The following ALPK2 variants were observed in gnomAD, a reference collection of about 807,000 sequenced individuals.
ALPK2 encodes the protein alpha kinase 2.
Under a neutral mutation model 163.1 loss-of-function variants are expected in ALPK2, and 127 were observed. The ratio of observed to expected loss-of-function variants is 0.78; its 90% CI spans 0.67 to 0.90. The LOEUF is 0.90. Ranked by LOEUF, ALPK2 falls within the 40% of genes least tolerant of loss-of-function variation. ALPK2 has a pLI of 0.00. For synonymous variants in ALPK2, 953 were observed against 959.1 expected (o/e 0.99, Z 0.12); for missense variants, 2,360 against 2,589.6 (o/e 0.91, Z 1.92).
At chr18:58,553,387 C>T (rs969406839) in intron 4 of ALPK2, among the ~76,000 whole-genome samples, 3 of 152,158 alleles carry the variant, frequency 2.0e-5, no homozygotes, top group African/African-American at 7.2e-5. Flanking sequence ...AGCAACCACC[C>T]TCAGGACTCC....
chr18:58,607,244 G>T, intron 3 of ALPK2, 78 bp downstream of exon 3: 2 of 979,566 alleles, frequency 2.0e-6, no homozygotes, highest in Non-Finnish European at 3.0e-6. Flanking sequence ...CCAATCTTTT[G>T]GCCTTACCTC....
chr18:58,611,070 G>T (rs1210658461), intron 2 of ALPK2, among the ~76,000 whole-genome samples: 1 of 149,800 alleles, frequency 6.7e-6, no homozygotes, highest in Non-Finnish European at 1.5e-5. Context: ...CTCCAGCCTG[G>T]CAACAGAGCA....
intron 12 of ALPK2, among the ~76,000 whole-genome samples, chr18:58,490,354 G>C (rs1349100197): frequency 6.6e-6 from 1 of 152,026 alleles, no homozygotes; most frequent in Non-Finnish European, 1.5e-5. Context: ...GCCCCTCCCT[G>C]GGCCAGTCAG....
In ALPK2 at chr18:58,536,290, A is replaced by C. The variant is rs755118026; in HGVS notation, c.3897T>G (p.Ser1299Arg). 1 of 1,614,146 alleles carries C rather than the reference A, an allele frequency of 6.2e-7. No homozygotes were observed. Among genetic ancestry groups the C allele is most frequent in the Non-Finnish European group, 8.5e-7 (1 of 1,180,024 alleles). Residue 1299 changes from serine to arginine, a missense_variant, in exon 5 of 13, where the codon AGT becomes AGG. By Grantham distance (110) the Ser-to-Arg change is moderately radical. Coordinates refer to ENST00000361673, the MANE Select transcript of ALPK2 (RefSeq NM_052947.4). ...CAAGGGCTGACTCAGCATCCTCTGG[A>C]CTGTGAGCCAATGCTGCTATTTCAG... ...APSEIAALAH[S>R]PEDAESALAD...
At chr18:58,590,716 T>C (rs1027902494) in intron 3 of ALPK2, among the ~76,000 whole-genome samples, 14 of 152,252 alleles carry the variant, frequency 9.2e-5, no homozygotes, top group African/African-American at 3.1e-4. Context: ...TTCTTGATCA[T>C]ATTTTCTATA....
rs776066961 is a variant in ALPK2, at chr18:58,580,390, G to A, written c.386C>T (p.Thr129Ile). The change falls in exon 4 of 13, where the codon ACA becomes ATA. Residue 129 changes from threonine to isoleucine, a missense_variant. By Grantham distance (89) the Thr-to-Ile change is moderately conservative (BLOSUM62 -1). Coordinates refer to ENST00000361673, the MANE Select transcript of ALPK2 (RefSeq NM_052947.4). ...DDRDRGWKHE[T>I]GTHEEERANQ... is the part of the protein sequence containing the mutation. ...TGCCCTTTCTTCTTCATGTGTCCCT[G>A]TTTCATGTTTCCAACCCCTGTCCCT... 3.1e-6 allele frequency: 5 copies of A among 1,614,006 alleles called. No homozygotes were observed. Among genetic ancestry groups the A allele is most frequent in the Non-Finnish European group, 3.4e-6 (4 of 1,180,034 alleles).
rs10715073 is a variant in ALPK2 at position 58,626,883 on chromosome 18, C to CA, written c.-21+1880dup. On this transcript the variant is annotated intron_variant, in intron 1 of 12. Transcript: ENST00000361673. The stretch of plus-strand genomic sequence containing the variant: ...TTATGGTAGTATTCTAAAGTTTTAG[C>CA]AAAAAAAAAAAAGACAGAAGCTTTT... Among the ~76,000 whole-genome samples, 1,092 of 140,644 alleles carry CA rather than the reference C, an allele frequency of 7.8e-3. 8 individuals carry two copies. Among genetic ancestry groups the CA allele is most frequent in the Middle Eastern group, 0.026 (7 of 272 alleles). 92.3% of individuals were successfully genotyped at this position (140,644 alleles called of 152,430 possible). A position where few individuals can be genotyped will look rare whatever the true frequency, so the allele number is the denominator to read the frequency against.
At position 58,537,520 on chromosome 18, in the gene ALPK2, AAG is replaced by A; in HGVS notation, c.2665_2666del (p.Leu889PhefsTer14). 5 of 1,613,206 alleles carry A rather than the reference AAG, an allele frequency of 3.1e-6. No individual in the cohort carries two copies. The highest frequency in any genetic ancestry group is 3.4e-6 in the Non-Finnish European group (4 of 1,179,258). On this transcript the variant is annotated frameshift_variant, in exon 5 of 13. Coordinates refer to ENST00000361673, the MANE Select transcript of ALPK2 (RefSeq NM_052947.4). LOFTEE classifies it high-confidence loss of function. ...SKDGNSVMSP[L>X]FTSTFTLNIS... ...TGTTCAAGGTGAAAGTACTGGTAAA[AAG>A]AGGGGACATGACTGAGTTGCCGTCC...
At chr18:58,500,206 TCACA>T (rs1156698974) in intron 11 of ALPK2, among the ~76,000 whole-genome samples, 1 of 149,910 alleles carries the variant, frequency 6.7e-6, no homozygotes, top group Non-Finnish European at 1.5e-5. Context: ...TAGAAATGCT[TCACA>T]TAGCTTTTAT....
intron 12 of ALPK2, among the ~76,000 whole-genome samples, chr18:58,487,488 G>A (rs971476794): frequency 6.6e-6 from 1 of 152,078 alleles, no homozygotes; most frequent in Non-Finnish European, 1.5e-5. Flanking sequence ...TGAGGCTCTT[G>A]GTTTGTGGTC....
At chr18:58,490,668 G>A (rs2051369950) in intron 12 of ALPK2, among the ~76,000 whole-genome samples, 1 of 151,962 alleles carries the variant, frequency 6.6e-6, no homozygotes, top group African/African-American at 2.4e-5. Context: ...TCTTTCTGCA[G>A]AAAAATGTGA....
chr18:58,485,478 C>T (rs778247823), intron 12 of ALPK2, among the ~76,000 whole-genome samples: 97 of 152,354 alleles, frequency 6.4e-4, no homozygotes, highest in Non-Finnish European at 1.2e-3. Context: ...CCCTCCTCCT[C>T]CTGGCTGGGG....
At chr18:58,526,421 T>A (rs745444726) in intron 6 of ALPK2, among the ~76,000 whole-genome samples, 5 of 152,116 alleles carry the variant, frequency 3.3e-5, no homozygotes, top group African/African-American at 1.2e-4. Context: ...TCCAAGGAGA[T>A]CCTCCCATCC....
rs1348904009 is a variant in ALPK2, at chr18:58,578,935, GT to G, written c.1840del (p.Thr614ProfsTer81). ...GACTGAGTCTGTTGAAGTTTGAAGG[GT>G]TTTTGCTTCTTGCTCTGCCTGGGTT... Reference protein sequence around the residue: ...ISTQAEQEAKTLQTSTDSVSK... With the variant: ...ISTQAEQEAKXLQTSTDSVSK... On this transcript the variant is annotated frameshift_variant, in exon 4 of 13. Transcript: ENST00000361673. LOFTEE classifies it high-confidence loss of function. 6.2e-7 allele frequency: 1 copy of G among 1,614,184 alleles called. No homozygotes were observed. The highest frequency in any genetic ancestry group is 1.7e-5 in the Admixed American group (1 of 60,026).
chr18:58,552,307 A>G (rs947517308), intron 4 of ALPK2, among the ~76,000 whole-genome samples: 3 of 152,196 alleles, frequency 2.0e-5, no homozygotes, highest in Non-Finnish European at 4.4e-5. Context: ...GTCTTGCCTC[A>G]TTAATCTAAT....
chr18:58,581,974 C>T (rs1035905205), intron 3 of ALPK2, among the ~76,000 whole-genome samples: 19 of 152,178 alleles, frequency 1.2e-4, no homozygotes, highest in African/African-American at 4.3e-4. Flanking sequence ...CATAAACCCT[C>T]AAGTGTTGAG....
At chr18:58,614,258 C>G (rs902424787) in intron 1 of ALPK2, among the ~76,000 whole-genome samples, 1 of 152,170 alleles carries the variant, frequency 6.6e-6, no homozygotes, top group Non-Finnish European at 1.5e-5. Flanking sequence ...CCTGCTGGGA[C>G]AGGTGTGGAA....
chr18:58,627,557 G>A (rs1487762753), intron 1 of ALPK2, among the ~76,000 whole-genome samples: 3 of 152,138 alleles, frequency 2.0e-5, no homozygotes, highest in East Asian at 1.9e-4. Flanking sequence ...CCCAGGGGGC[G>A]GAGGTTGCAG....
intron 4 of ALPK2, among the ~76,000 whole-genome samples, chr18:58,556,169 T>TCACACACACACACACACACA (rs33920285): frequency 9.4e-5 from 14 of 149,108 alleles, no homozygotes; most frequent in African/African-American, 3.3e-4. Flanking sequence ...GGACTAGATC[T>TCACACACACACACACACACA]CACACACACA....
Sources: allele counts gnomAD v4.1 joint callset (sites outside exome capture counted in the v4.1 genomes callset), GRCh38; gene constraint gnomAD v4.1.1; transcripts MANE v1.5; gene names NCBI Gene and HGNC (gene_info 2026-07-23, HGNC 2026-07-21).